The following VAC14 variants were observed in gnomAD, a reference collection of about 807,000 sequenced individuals.
VAC14 encodes the protein protein VAC14 homolog.
VAC14 carries 47 observed loss-of-function variants against 85.3 expected under a neutral mutation model. That is an observed-to-expected ratio of 0.55 (90% CI 0.44 to 0.70). VAC14 has a LOEUF of 0.70. Among genes scored for constraint, VAC14 ranks in the 30% least tolerant of loss-of-function variants. VAC14 has a pLI of 0.00. For synonymous variants in VAC14, 447 were observed against 430.5 expected (o/e 1.04, Z -0.47); for missense variants, 861 against 1,004.3 (o/e 0.86, Z 1.93).
intron 14 of VAC14, among the ~76,000 whole-genome samples, chr16:70,705,227 T>C (rs2053899048): frequency 6.6e-6 from 1 of 151,840 alleles, no homozygotes; most frequent in African/African-American, 2.4e-5. Context: ...CCACCCCTCC[T>C]TCCTTGGGCC....
chr16:70,726,658 G>A (rs151008948), intron 14 of VAC14, among the ~76,000 whole-genome samples: 60 of 152,330 alleles, frequency 3.9e-4, no homozygotes, highest in Admixed American at 3.9e-4. Flanking sequence ...AGGCTCATCT[G>A]CCTTAGTCCT....
intron 9 of VAC14, 57 bp from the exon 10 acceptor site, chr16:70,772,229 C>A: frequency 6.8e-7 from 1 of 1,463,682 alleles, no homozygotes; most frequent in Non-Finnish European, 9.6e-7. Context: ...CTTGAATAAA[C>A]AAGACCCCTG....
chr16:70,749,074 T>C (rs1363459945), intron 12 of VAC14, among the ~76,000 whole-genome samples: 4 of 152,256 alleles, frequency 2.6e-5, no homozygotes, highest in Non-Finnish European at 1.5e-5. Flanking sequence ...CTTGCCAGGC[T>C]GTTGTGAAGA....
chr16:70,722,478 G>A (rs1488523198), intron 14 of VAC14, among the ~76,000 whole-genome samples: 1 of 152,224 alleles, frequency 6.6e-6, no homozygotes, highest in Admixed American at 6.5e-5. Context: ...CGGGGCCAGG[G>A]TTGTGGGGGT....
intron 10 of VAC14, chr16:70,769,875 C>T (rs2033087349): frequency 6.6e-6 from 1 of 152,292 alleles, no homozygotes; most frequent in Non-Finnish European, 1.5e-5. Flanking sequence ...AGAGACAAGT[C>T]TACAACAGGC....
intron 17 of VAC14, among the ~76,000 whole-genome samples, chr16:70,695,030 G>T (rs769344481): frequency 6.6e-6 from 1 of 152,168 alleles, no homozygotes; most frequent in African/African-American, 2.4e-5. Context: ...TCACTGTGAG[G>T]GATACAGGCA....
chr16:70,752,433 C>T (rs2031461146), intron 12 of VAC14, among the ~76,000 whole-genome samples: 1 of 152,238 alleles, frequency 6.6e-6, no homozygotes, highest in African/African-American at 2.4e-5. Flanking sequence ...CCAGCTGATT[C>T]CAGCCATTGC....
At chr16:70,765,770 T>G (rs1483364976) in intron 10 of VAC14, among the ~76,000 whole-genome samples, 1 of 152,132 alleles carries the variant, frequency 6.6e-6, no homozygotes, top group East Asian at 1.9e-4. Flanking sequence ...CCAGCCCCTC[T>G]GCACCCAGGG....
At chr16:70,755,034 C>T (rs79910292) in intron 12 of VAC14, 2,922 of 173,622 alleles carry the variant, frequency 0.017, 91 homozygotes, top group African/African-American at 0.064. Flanking sequence ...GGAAGAAAAC[C>T]GAGGTGAGGC....
intron 12 of VAC14, chr16:70,747,737 A>G (rs7205738): frequency 0.23 from 35,327 of 151,936 alleles, 7,687 homozygotes; most frequent in African/African-American, 0.58. Flanking sequence ...AGAGGCACAC[A>G]CCTCTGGGCG....
intron 14 of VAC14, among the ~76,000 whole-genome samples, chr16:70,711,090 T>A (rs2054023503): frequency 2.0e-5 from 3 of 152,238 alleles, no homozygotes; most frequent in Admixed American, 6.5e-5. Context: ...CCCAGAAGGC[T>A]GCGCATTTAC....
intron 15 of VAC14, 23 bp downstream of exon 15, chr16:70,698,614 A>G: frequency 6.2e-7 from 1 of 1,612,642 alleles, no homozygotes; most frequent in Non-Finnish European, 8.5e-7. Context: ...ACGCCTGAGG[A>G]TGGAGTCCCG....
intron 14 of VAC14, among the ~76,000 whole-genome samples, chr16:70,712,102 A>C (rs938170457): frequency 3.3e-5 from 5 of 152,042 alleles, no homozygotes; most frequent in African/African-American, 1.2e-4. Flanking sequence ...GAGGCTGAAA[A>C]AATTCCTTTT....
intron 13 of VAC14, among the ~76,000 whole-genome samples, chr16:70,738,009 C>T (rs564470714): frequency 2.9e-4 from 44 of 152,300 alleles, no homozygotes; most frequent in African/African-American, 9.9e-4. Context: ...GGCCAGAGGC[C>T]GCTCAGGGGA....
chr16:70,734,405 T>A (rs749375783), intron 13 of VAC14, among the ~76,000 whole-genome samples: 11 of 152,194 alleles, frequency 7.2e-5, no homozygotes, highest in Admixed American at 2.0e-4. Context: ...AGTGTTGGGA[T>A]TATAGGTATT....
At chr16:70,757,767 C>G (rs377157550) in intron 12 of VAC14, among the ~76,000 whole-genome samples, 31 of 152,348 alleles carry the variant, frequency 2.0e-4, no homozygotes, top group African/African-American at 4.8e-4. Context: ...GGAGGAGCTA[C>G]TGCTTATCGT....
In VAC14 at chr16:70,784,094, G is replaced by C; in HGVS notation, c.594+19C>G. ...TTCCAAACTGGAGGCTGGAGAAACG[G>C]TGTCCGGCCAGGCCTTACCCAGGAG... On this transcript the variant is annotated intron_variant, in intron 5 of 18. Transcript: ENST00000261776. The C allele has an allele frequency of 6.2e-7, 1 of 1,605,112 alleles. No individual in the cohort carries two copies. The highest frequency in any genetic ancestry group is 8.5e-7 in the Non-Finnish European group (1 of 1,171,772).
intron 9 of VAC14, among the ~76,000 whole-genome samples, chr16:70,777,556 G>C (rs1374908500): frequency 1.3e-5 from 2 of 152,186 alleles, no homozygotes; most frequent in Admixed American, 6.5e-5. Flanking sequence ...AGTGCCATAA[G>C]AGCTCAGAAC....
At chr16:70,718,112 A>G (rs958955814) in intron 14 of VAC14, among the ~76,000 whole-genome samples, 2 of 152,182 alleles carry the variant, frequency 1.3e-5, no homozygotes, top group African/African-American at 4.8e-5. Context: ...CCACCCCGGG[A>G]GCTCCTCGGC....
Sources: gnomAD v4.1 joint callset for allele counts (sites outside exome capture counted in the v4.1 genomes callset) on GRCh38, gnomAD v4.1.1 for gene constraint, MANE v1.5 for transcripts, NCBI Gene and HGNC (gene_info 2026-07-23, HGNC 2026-07-21) for gene names.